The following BBS5 variants were observed in gnomAD, a reference collection of about 807,000 sequenced individuals.
The protein encoded by BBS5 is Bardet-Biedl syndrome 5.
In BBS5, 39 loss-of-function variants were observed where a neutral mutation model predicts 50.2. The ratio of observed to expected loss-of-function variants is 0.78; its 90% CI spans 0.60 to 1.01. The LOEUF is 1.01. Ranked by LOEUF, BBS5 falls within the 50% of genes least tolerant of loss-of-function variation. The pLI is 0.00. For missense variants in BBS5, 356 were observed against 401.5 expected (o/e 0.89, Z 0.97); for synonymous variants, 134 against 133.1 (o/e 1.01, Z -0.05).
At chr2:169,489,851 C>CTTTTTTTTTTTTTTTTTTTTTTTTTTT (rs71003093) in intron 5 of BBS5, among the ~76,000 whole-genome samples, 1 of 65,890 alleles carries the variant, frequency 1.5e-5, no homozygotes, top group African/African-American at 8.3e-5. Flanking sequence ...CATAAATTTC[C>CTTTTTTTTTTTTTTTTTTTTTTTTTTT]TTTTTTTTTT....
At chr2:169,504,278 A>C in intron 10 of BBS5, 25 bp from the exon 11 acceptor site, 1 of 1,608,918 alleles carries the variant, frequency 6.2e-7, no homozygotes, top group Non-Finnish European at 8.5e-7. Flanking sequence ...CCAGTTTGTG[A>C]AATAGAATTT....
At position 169,479,593 on chromosome 2, in the gene BBS5, C is replaced by A; in HGVS notation, c.40C>A (p.Arg14Ser). The change falls in exon 1 of 12, where the codon CGT (arginine) becomes AGT (serine). Residue 14 changes from arginine to serine, a missense_variant. By Grantham distance (110) the Arg-to-Ser change is moderately radical. Coordinates refer to ENST00000295240, the MANE Select transcript of BBS5 (RefSeq NM_152384.3). ...LDALWEDRDV[R>S]FDLSAQQMKT... is the part of the protein sequence containing the mutation. Reference sequence around the variant, plus strand: ...TGCGCTTTGGGAGGATCGGGATGTCCGTTTCGACCTGTCCGCGCAGTGAGT... The same window carrying A: ...TGCGCTTTGGGAGGATCGGGATGTCAGTTTCGACCTGTCCGCGCAGTGAGT... 6.2e-7 allele frequency: 1 copy of A among 1,614,146 alleles called. No individual in the cohort carries two copies.
At chr2:169,491,557 C>T (rs1574338913) in intron 5 of BBS5, among the ~76,000 whole-genome samples, 1 of 152,058 alleles carries the variant, frequency 6.6e-6, no homozygotes, top group Non-Finnish European at 1.5e-5. Context: ...TAAAATTAAT[C>T]AAAAGTTAAT....
intron 5 of BBS5, among the ~76,000 whole-genome samples, chr2:169,489,455 T>C (rs1473903254): frequency 6.8e-6 from 1 of 146,418 alleles, no homozygotes. Flanking sequence ...AGAGCAAGAC[T>C]CTGTCTCAAA....
intron 1 of BBS5, 134 bp downstream of exon 1, chr2:169,479,746 C>T (rs1484820985): frequency 1.2e-5 from 12 of 1,025,314 alleles, no homozygotes; most frequent in Non-Finnish European, 1.5e-5. Context: ...CGCCGGTCGT[C>T]CGCGCCTCGA....
At chr2:169,483,889 A>T (rs1224602476) in intron 2 of BBS5, among the ~76,000 whole-genome samples, 1 of 152,226 alleles carries the variant, frequency 6.6e-6, no homozygotes, top group Non-Finnish European at 1.5e-5. Context: ...CCAACTATCA[A>T]GATGGCTGTA....
At chr2:169,494,190 G>A (rs1343325773) in intron 7 of BBS5, among the ~76,000 whole-genome samples, 2 of 152,132 alleles carry the variant, frequency 1.3e-5, no homozygotes, top group African/African-American at 4.8e-5. Flanking sequence ...CAGGTATGTG[G>A]TGCTTCCTTG....
intron 2 of BBS5, among the ~76,000 whole-genome samples, chr2:169,484,402 C>CTGTGTG (rs34397673): frequency 1.1e-4 from 17 of 150,784 alleles, no homozygotes; most frequent in South Asian, 4.2e-4. Context: ...ATAGAAATAA[C>CTGTGTG]TGTGTGTGTG....
chr2:169,490,875 G>A (rs1314503720), intron 5 of BBS5, among the ~76,000 whole-genome samples: 1 of 152,140 alleles, frequency 6.6e-6, no homozygotes, highest in East Asian at 1.9e-4. Flanking sequence ...GGATTTGCCT[G>A]TTCTGGAAAT....
chr2:169,491,481 G>A (rs1364950822), intron 5 of BBS5, among the ~76,000 whole-genome samples: 1 of 152,176 alleles, frequency 6.6e-6, no homozygotes, highest in Non-Finnish European at 1.5e-5. Flanking sequence ...TGAATCTGTT[G>A]TTATTAAGGC....
chr2:169,501,552 C>T (rs573800102), intron 9 of BBS5, among the ~76,000 whole-genome samples: 2 of 152,188 alleles, frequency 1.3e-5, no homozygotes, highest in East Asian at 3.9e-4. Flanking sequence ...AATAAGACAA[C>T]ATAGTGACAC....
chr2:169,486,351 A>G (rs1000026398), intron 2 of BBS5, among the ~76,000 whole-genome samples: 5 of 152,212 alleles, frequency 3.3e-5, no homozygotes, highest in African/African-American at 1.2e-4. Context: ...TAATATGCTG[A>G]TTGTATTGTA....
chr2:169,506,041 G>A lies in BBS5; in HGVS notation c.*1459G>A. The A allele has an allele frequency of 6.8e-6, 1 of 147,898 alleles. No individual in the cohort carries two copies. The highest frequency in any genetic ancestry group is 1.5e-5 in the Non-Finnish European group (1 of 67,424). The allele number at this position is 147,898 out of a possible 1,614,324, so 9.2% of individuals were successfully genotyped here. On this transcript the variant is annotated 3_prime_UTR_variant, in exon 12 of 12. Transcript: ENST00000295240. ...CCCGCCCGGCTAGCCGCCCCGTCCG[G>A]GAGGCGAGGGGCGCCTCTGCCCGGC...
intron 7 of BBS5, among the ~76,000 whole-genome samples, chr2:169,494,891 T>C (rs1336532194): frequency 6.6e-6 from 1 of 152,216 alleles, no homozygotes; most frequent in Non-Finnish European, 1.5e-5. Context: ...ATGTGATACC[T>C]GGAAAATACC....
At chr2:169,482,456 A>G in intron 2 of BBS5, 123 bp downstream of exon 2, 2 of 766,336 alleles carry the variant, frequency 2.6e-6, no homozygotes. Context: ...AGGAGAGTTA[A>G]ATTCACATAA....
At chr2:169,501,826 T>C (rs1435419042) in intron 9 of BBS5, among the ~76,000 whole-genome samples, 1 of 152,222 alleles carries the variant, frequency 6.6e-6, no homozygotes, top group Non-Finnish European at 1.5e-5. Context: ...GCCTGGCACA[T>C]GGGAGATGCT....
intron 5 of BBS5, among the ~76,000 whole-genome samples, chr2:169,488,550 C>T (rs879302980): frequency 1.3e-5 from 2 of 152,248 alleles, no homozygotes; most frequent in Non-Finnish European, 2.9e-5. Flanking sequence ...ACTCACCCCC[C>T]AACCACTCAC....
At chr2:169,480,744 C>A (rs941681594) in intron 1 of BBS5, among the ~76,000 whole-genome samples, 7 of 130,820 alleles carry the variant, frequency 5.4e-5, no homozygotes, top group African/African-American at 2.0e-4. Flanking sequence ...TGCAATGACG[C>A]GATCTCGGCT....
chr2:169,489,783 C>T (rs1683557968), intron 5 of BBS5, among the ~76,000 whole-genome samples: 1 of 138,950 alleles, frequency 7.2e-6, no homozygotes, highest in Non-Finnish European at 1.6e-5. Flanking sequence ...AATTGTTTAA[C>T]TTGTATTTAC....
Sources: gnomAD v4.1 joint callset for allele counts (sites outside exome capture counted in the v4.1 genomes callset) on GRCh38, gnomAD v4.1.1 for gene constraint, MANE v1.5 for transcripts, NCBI Gene and HGNC (gene_info 2026-07-23, HGNC 2026-07-21) for gene names.